Variants in NFIA observed in about 807,000 individuals in gnomAD.
NFIA encodes nuclear factor I A.
Under a neutral mutation model 62.8 loss-of-function variants are expected in NFIA, and 8 were observed. The ratio of observed to expected loss-of-function variants is 0.13; its 90% CI spans 0.07 to 0.23. The LOEUF (loss-of-function observed/expected upper bound fraction) is 0.23, where lower values mean the gene tolerates loss of function less well. Among genes scored for constraint, NFIA ranks in the 10% least tolerant of loss-of-function variants. The pLI is 1.00. For synonymous variants in NFIA, 235 were observed against 238.1 expected, an observed-to-expected ratio of 0.99 and a Z score of 0.12; for missense variants, 410 against 642.1, an observed-to-expected ratio of 0.64 and a Z score of 3.91.
At chr1:61,412,017 T>C (rs546149744) in intron 9 of NFIA, among the ~76,000 whole-genome samples, 4 of 152,130 alleles carry the variant, frequency 2.6e-5, no homozygotes, top group African/African-American at 9.6e-5. Flanking sequence ...CTGAGTGAGA[T>C]GGGGCAGAGA....
In NFIA at chr1:61,184,106, T is replaced by TGG. The variant is rs3833520; in HGVS notation, c.560-93406_560-93405dup. Among the ~76,000 whole-genome samples, 95 of 101,814 alleles carry TGG rather than the reference T, an allele frequency of 9.3e-4. No individual in the cohort carries two copies. In the East Asian group the frequency reaches 0.014, roughly 15 times the overall value. The allele number at this position is 101,814 out of a possible 152,430, so 66.8% of individuals were successfully genotyped here. A position where few individuals can be genotyped will look rare whatever the true frequency, so the allele number is the denominator to read the frequency against. The stretch of plus-strand genomic sequence containing the variant: ...TTTCTACTCAGATCCGTAAGGTTTA[T>TGG]GGGGGGGGGAAAAAAAACCAAAAAA... On this transcript the variant is annotated intron_variant, in intron 2 of 10. Transcript: ENST00000403491.
chr1:61,372,728 A>G (rs1663960482), intron 6 of NFIA, among the ~76,000 whole-genome samples: 1 of 152,138 alleles, frequency 6.6e-6, no homozygotes, highest in Non-Finnish European at 1.5e-5. Context: ...TTTTACATCC[A>G]TGAAGCTGCA....
chr1:61,112,452 C>T (rs974956248), intron 2 of NFIA, among the ~76,000 whole-genome samples: 1 of 152,088 alleles, frequency 6.6e-6, no homozygotes, highest in African/African-American at 2.4e-5. Flanking sequence ...TAAGTGTGTG[C>T]ATTTGCACAC....
At chr1:61,370,021 C>T (rs1663801414) in intron 6 of NFIA, among the ~76,000 whole-genome samples, 1 of 152,114 alleles carries the variant, frequency 6.6e-6, no homozygotes, top group African/African-American at 2.4e-5. Context: ...TGTTAACACT[C>T]CAGAATAAGT....
intron 4 of NFIA, among the ~76,000 whole-genome samples, chr1:61,340,845 C>T (rs2100409304): frequency 6.6e-6 from 1 of 152,292 alleles, no homozygotes; most frequent in South Asian, 2.1e-4. Flanking sequence ...TAGTAGACCT[C>T]ATTCCTCTGT....
At chr1:61,409,258 A>G (rs930093902) in intron 9 of NFIA, among the ~76,000 whole-genome samples, 4 of 152,240 alleles carry the variant, frequency 2.6e-5, no homozygotes, top group Non-Finnish European at 5.9e-5. Flanking sequence ...AAATATAGAC[A>G]AAACAAAATG....
chr1:61,102,212 A>G (rs773465618), intron 2 of NFIA, among the ~76,000 whole-genome samples: 1 of 152,242 alleles, frequency 6.6e-6, no homozygotes, highest in South Asian at 2.1e-4. Flanking sequence ...CATGTAGGAC[A>G]TCATGAAATT....
rs1470052616 is a variant in NFIA at position 61,383,226 on chromosome 1, C to T, written c.947-11C>T. 1 of 1,613,772 alleles carries T rather than the reference C, an allele frequency of 6.2e-7. No homozygotes were observed. Among genetic ancestry groups the T allele is most frequent in the Admixed American group, 1.7e-5 (1 of 59,990 alleles). Reference sequence around the variant, plus strand: ...ATTAAAGTGTACTTACCAGTTGATCCTTCTTGCCAGGAATGCCATCTCCAA... The same window carrying T: ...ATTAAAGTGTACTTACCAGTTGATCTTTCTTGCCAGGAATGCCATCTCCAA... On this transcript the variant is annotated splice_polypyrimidine_tract_variant and intron_variant, in intron 6 of 10. Coordinates refer to ENST00000403491, the MANE Select transcript of NFIA (RefSeq NM_001134673.4).
At chr1:61,106,939 C>G (rs1646611989) in intron 2 of NFIA, among the ~76,000 whole-genome samples, 1 of 149,870 alleles carries the variant, frequency 6.7e-6, no homozygotes, top group African/African-American at 2.4e-5. Flanking sequence ...TATATACACA[C>G]ATACATATAC....
intron 7 of NFIA, 87 bp downstream of exon 7, chr1:61,383,452 C>A: frequency 6.5e-7 from 1 of 1,538,870 alleles, no homozygotes; most frequent in South Asian, 1.2e-5. Flanking sequence ...GAGGACTCCC[C>A]CTGAACACTC....
chr1:61,260,311 C>T (rs756524436), intron 2 of NFIA, among the ~76,000 whole-genome samples: 6 of 152,126 alleles, frequency 3.9e-5, no homozygotes, highest in African/African-American at 1.2e-4. Context: ...AGTGAGCAGG[C>T]GCCAGAGACT....
chr1:61,102,003 A>G (rs1646519948), intron 2 of NFIA, among the ~76,000 whole-genome samples: 1 of 152,234 alleles, frequency 6.6e-6, no homozygotes, highest in East Asian at 1.9e-4. Context: ...TGGTTGTTCA[A>G]TCTGAAAGTG....
At chr1:61,127,828 G>A (rs1355776031) in intron 2 of NFIA, among the ~76,000 whole-genome samples, 1 of 152,014 alleles carries the variant, frequency 6.6e-6, no homozygotes, top group Non-Finnish European at 1.5e-5. Context: ...TAGATTATAA[G>A]CCCAGGATTG....
At chr1:61,198,576 T>TC (rs1652196167) in intron 2 of NFIA, among the ~76,000 whole-genome samples, 3 of 152,218 alleles carry the variant, frequency 2.0e-5, no homozygotes, top group Non-Finnish European at 4.4e-5. Flanking sequence ...GGGGTTTTAC[T>TC]CTTTTTATTC....
At chr1:61,417,091 C>T (rs569733238) in intron 9 of NFIA, among the ~76,000 whole-genome samples, 3 of 152,032 alleles carry the variant, frequency 2.0e-5, no homozygotes, top group African/African-American at 7.2e-5. Flanking sequence ...ACCCAGTCAA[C>T]TCTTGTGTTC....
intron 2 of NFIA, among the ~76,000 whole-genome samples, chr1:61,209,929 G>C (rs1205989811): frequency 1.3e-5 from 2 of 152,158 alleles, no homozygotes; most frequent in East Asian, 3.8e-4. Flanking sequence ...GTCAGGTACA[G>C]TTTCACTGTC....
intron 2 of NFIA, among the ~76,000 whole-genome samples, chr1:61,148,288 G>A (rs1648153357): frequency 6.6e-6 from 1 of 152,096 alleles, no homozygotes; most frequent in African/African-American, 2.4e-5. Flanking sequence ...CCACCTTCTA[G>A]CAATAATATT....
intron 2 of NFIA, among the ~76,000 whole-genome samples, chr1:61,144,470 A>G (rs1291917157): frequency 6.6e-6 from 1 of 152,146 alleles, no homozygotes; most frequent in Non-Finnish European, 1.5e-5. Flanking sequence ...TGATTGGCAA[A>G]GCTCAGATGC....
intron 2 of NFIA, among the ~76,000 whole-genome samples, chr1:61,117,385 G>T (rs1408242980): frequency 6.6e-6 from 1 of 151,994 alleles, no homozygotes; most frequent in Non-Finnish European, 1.5e-5. Flanking sequence ...TGTGATATAG[G>T]ATTAACTTGG....
Sources: gnomAD v4.1 joint callset for allele counts (sites outside exome capture counted in the v4.1 genomes callset) on GRCh38, gnomAD v4.1.1 for gene constraint, MANE v1.5 for transcripts, NCBI Gene and HGNC (gene_info 2026-07-23, HGNC 2026-07-21) for gene names.